Variants in COG5 observed in about 807,000 individuals in gnomAD.
The protein encoded by COG5 is conserved oligomeric Golgi complex subunit 5.
In COG5, 86 loss-of-function variants were observed where a neutral mutation model predicts 110.4. The observed-to-expected ratio is 0.78, with a 90% confidence interval of 0.65 to 0.93. The LOEUF (loss-of-function observed/expected upper bound fraction) is 0.93, where lower values mean the gene tolerates loss of function less well. Among genes scored for constraint, COG5 ranks in the 40% least tolerant of loss-of-function variants. COG5 has a pLI of 0.00. For synonymous variants in COG5, 360 were observed against 334.6 expected (o/e 1.08, Z -0.83); for missense variants, 1,077 against 987.0 (o/e 1.09, Z -1.22).
chr7:107,490,194 C>T (rs1350141189), intron 6 of COG5, among the ~76,000 whole-genome samples: 5 of 151,960 alleles, frequency 3.3e-5, no homozygotes, highest in Non-Finnish European at 4.4e-5. Flanking sequence ...CAGTATCGTC[C>T]CCCATCCCGC....
intron 6 of COG5, among the ~76,000 whole-genome samples, chr7:107,429,920 T>C (rs2129079018): frequency 6.6e-6 from 1 of 152,318 alleles, no homozygotes. Context: ...CTTGGGTATG[T>C]CTTTATCAGT....
chr7:107,546,443 T>G (rs1028534257), intron 5 of COG5, among the ~76,000 whole-genome samples: 3 of 147,144 alleles, frequency 2.0e-5, no homozygotes, highest in African/African-American at 4.9e-5. Context: ...TTGTTTTTTT[T>G]TTTTTTTTTT....
intron 7 of COG5, among the ~76,000 whole-genome samples, chr7:107,397,768 A>C (rs935815183): frequency 6.6e-6 from 1 of 152,232 alleles, no homozygotes; most frequent in Non-Finnish European, 1.5e-5. Context: ...AATAACAAAA[A>C]TAGAAAATCA....
At chr7:107,371,970 C>A (rs1320239186) in intron 8 of COG5, among the ~76,000 whole-genome samples, 2 of 152,096 alleles carry the variant, frequency 1.3e-5, no homozygotes, top group African/African-American at 4.8e-5. Context: ...AATCTGTGGT[C>A]TTTTCTATCT....
chr7:107,444,212 G>C (rs894652703), intron 6 of COG5, among the ~76,000 whole-genome samples: 2 of 152,078 alleles, frequency 1.3e-5, no homozygotes, highest in African/African-American at 4.8e-5. Flanking sequence ...TTATCCTCTA[G>C]TCTAGCTAAT....
At chr7:107,404,885 G>GAAAAAAAAAAAAAAA (rs59988899) in intron 7 of COG5, among the ~76,000 whole-genome samples, 4 of 32,380 alleles carry the variant, frequency 1.2e-4, no homozygotes, top group Non-Finnish European at 2.8e-4. Context: ...TTCAGAAGAT[G>GAAAAAAAAAAAAAAA]AAAAAAAAAA....
At chr7:107,482,976 T>C (rs1797438539) in intron 6 of COG5, among the ~76,000 whole-genome samples, 1 of 152,182 alleles carries the variant, frequency 6.6e-6, no homozygotes, top group Non-Finnish European at 1.5e-5. Context: ...ACTTCTAAAA[T>C]AAACTTGCAG....
chr7:107,262,232 A>C (rs931376651), intron 14 of COG5, among the ~76,000 whole-genome samples: 1 of 151,756 alleles, frequency 6.6e-6, no homozygotes, highest in Non-Finnish European at 1.5e-5. Flanking sequence ...ACCCCTTGAG[A>C]CCTCCCAAAT....
intron 11 of COG5, among the ~76,000 whole-genome samples, chr7:107,299,826 C>CATATATATATATATATATAT (rs71856513): frequency 1.8e-4 from 19 of 103,184 alleles, no homozygotes; most frequent in Admixed American, 3.3e-4. Flanking sequence ...TCATAGTTGG[C>CATATATATATATATATATAT]ATATATATAT....
At chr7:107,311,455 G>A (rs867462190) in intron 11 of COG5, among the ~76,000 whole-genome samples, 8 of 122,962 alleles carry the variant, frequency 6.5e-5, no homozygotes, top group Middle Eastern at 0.013. Flanking sequence ...CTGCAGTGGC[G>A]CAATCTCGGC....
intron 14 of COG5, among the ~76,000 whole-genome samples, chr7:107,276,238 A>G (rs1804693304): frequency 6.6e-6 from 1 of 152,228 alleles, no homozygotes; most frequent in Admixed American, 6.5e-5. Context: ...AGGGATACTT[A>G]TTAATATATT....
chr7:107,472,512 G>A (rs1796697127), intron 6 of COG5: 1 of 151,840 alleles, frequency 6.6e-6, no homozygotes, highest in African/African-American at 2.4e-5. Flanking sequence ...TGACATTTCT[G>A]CTTTATTTAA....
chr7:107,461,123 G>T (rs372628970), intron 6 of COG5, among the ~76,000 whole-genome samples: 4 of 151,790 alleles, frequency 2.6e-5, no homozygotes, highest in East Asian at 3.9e-4. Flanking sequence ...TCCAAAACCA[G>T]ATCAAAATAT....
intron 6 of COG5, among the ~76,000 whole-genome samples, chr7:107,508,621 G>A (rs920237728): frequency 6.6e-6 from 1 of 152,214 alleles, no homozygotes; most frequent in Non-Finnish European, 1.5e-5. Flanking sequence ...CTAACTGGGA[G>A]GCACCCCCCA....
At chr7:107,240,012 C>G (rs1801490998) in intron 17 of COG5, among the ~76,000 whole-genome samples, 1 of 152,184 alleles carries the variant, frequency 6.6e-6, no homozygotes, top group Non-Finnish European at 1.5e-5. Context: ...ATGTAGAGTT[C>G]TTCTTTCACT....
chr7:107,432,554 C>T lies in COG5; in HGVS notation c.539-19922G>A, dbSNP rs534206834. Among the ~76,000 whole-genome samples, 3 of 152,218 alleles carry T rather than the reference C, an allele frequency of 2.0e-5. No individual in the cohort carries two copies. In the East Asian group the frequency reaches 5.8e-4, roughly 29 times the overall value. ...TAATGCTTAAAAACTCAAATGCAAT[C>T]GTTTCAGTGTAAGAATATCACTTAA... On this transcript the variant is annotated intron_variant, in intron 6 of 21. Transcript: ENST00000297135.
intron 6 of COG5, among the ~76,000 whole-genome samples, chr7:107,419,939 A>G (rs1793161060): frequency 6.6e-6 from 1 of 152,232 alleles, no homozygotes; most frequent in Non-Finnish European, 1.5e-5. Context: ...CAGAATAACC[A>G]TAAGTCTATA....
At chr7:107,311,417 C>T (rs181248324) in intron 11 of COG5, among the ~76,000 whole-genome samples, 1,748 of 106,938 alleles carry the variant, frequency 0.016, 51 homozygotes, top group African/African-American at 0.056. Context: ...GACGGAGTCT[C>T]GCTCTGTCGC....
intron 14 of COG5, among the ~76,000 whole-genome samples, chr7:107,261,862 C>T (rs1470833031): frequency 6.6e-6 from 1 of 151,596 alleles, no homozygotes; most frequent in Non-Finnish European, 1.5e-5. Context: ...TCTGTAAGTA[C>T]ACAGTAGGTA....
Sources: allele counts gnomAD v4.1 joint callset (sites outside exome capture counted in the v4.1 genomes callset), GRCh38; gene constraint gnomAD v4.1.1; transcripts MANE v1.5; gene names NCBI Gene and HGNC (gene_info 2026-07-23, HGNC 2026-07-21).